Variants in NOVA1 observed in about 807,000 individuals in gnomAD.
The protein encoded by NOVA1 is RNA-binding protein Nova-1.
In NOVA1, 7 loss-of-function variants were observed where a neutral mutation model predicts 38.0. That is an observed-to-expected ratio of 0.18 (90% CI 0.10 to 0.35). The LOEUF (loss-of-function observed/expected upper bound fraction) is 0.35. Ranked by LOEUF, NOVA1 falls within the 10% of genes least tolerant of loss-of-function variation. The probability of loss-of-function intolerance (pLI) is 1.00; values close to 1 mark genes in which losing one functional copy is unlikely to be tolerated. For synonymous variants in NOVA1, 270 were observed against 232.5 expected (o/e 1.16, Z -1.47); for missense variants, 460 against 616.0 (o/e 0.75, Z 2.68).
intron 4 of NOVA1, among the ~76,000 whole-genome samples, chr14:26,457,669 T>C (rs890670381): frequency 3.3e-5 from 5 of 152,120 alleles, no homozygotes; most frequent in African/African-American, 1.2e-4. Context: ...TACTACACTA[T>C]ACTTCTTATC....
intron 2 of NOVA1, among the ~76,000 whole-genome samples, chr14:26,557,528 A>ATT (rs375431107): frequency 0.031 from 4,325 of 141,038 alleles, 87 homozygotes; most frequent in Middle Eastern, 0.061. Context: ...TGACTGGCTA[A>ATT]TTTTTTTTTT....
intron 4 of NOVA1, among the ~76,000 whole-genome samples, chr14:26,458,364 A>G (rs1377677515): frequency 6.6e-6 from 1 of 152,134 alleles, no homozygotes; most frequent in Non-Finnish European, 1.5e-5. Flanking sequence ...CTTTACATAA[A>G]AGACACATGT....
intron 2 of NOVA1, among the ~76,000 whole-genome samples, chr14:26,590,739 C>T (rs192353627): frequency 3.7e-4 from 56 of 151,872 alleles, no homozygotes; most frequent in Middle Eastern, 3.4e-3. Flanking sequence ...CATGTTTAAA[C>T]TATTCCTGAA....
intron 2 of NOVA1, among the ~76,000 whole-genome samples, chr14:26,511,894 G>A (rs8020034): frequency 0.21 from 32,237 of 151,936 alleles, 3,789 homozygotes; most frequent in East Asian, 0.33. Context: ...AATACTGACC[G>A]AAATATCATT....
intron 2 of NOVA1, among the ~76,000 whole-genome samples, chr14:26,518,689 T>C (rs893715122): frequency 1.3e-5 from 2 of 152,094 alleles, no homozygotes; most frequent in Non-Finnish European, 2.9e-5. Context: ...TATTTTGAAA[T>C]ATACAATATT....
intron 2 of NOVA1, among the ~76,000 whole-genome samples, chr14:26,505,308 G>T (rs1162468025): frequency 2.6e-5 from 4 of 152,034 alleles, no homozygotes; most frequent in Non-Finnish European, 5.9e-5. Context: ...GGACCTCATG[G>T]GAGGTGCTTG....
chr14:26,506,759 T>A (rs1887666089), intron 2 of NOVA1, among the ~76,000 whole-genome samples: 1 of 152,184 alleles, frequency 6.6e-6, no homozygotes, highest in Non-Finnish European at 1.5e-5. Flanking sequence ...TTTGTATTTT[T>A]AGTAGAGACG....
chr14:26,503,935 C>A (rs376667955), intron 2 of NOVA1, among the ~76,000 whole-genome samples: 1 of 152,040 alleles, frequency 6.6e-6, no homozygotes, highest in East Asian at 1.9e-4. Flanking sequence ...AACAACATCT[C>A]TTAAATATTT....
chr14:26,526,826 G>A (rs1375548269), intron 2 of NOVA1, among the ~76,000 whole-genome samples: 1 of 152,078 alleles, frequency 6.6e-6, no homozygotes, highest in Non-Finnish European at 1.5e-5. Flanking sequence ...AAGGCAATGT[G>A]GTCTTGCAAA....
intron 2 of NOVA1, among the ~76,000 whole-genome samples, chr14:26,522,261 T>C (rs1040675150): frequency 5.3e-5 from 8 of 152,206 alleles, no homozygotes; most frequent in Middle Eastern, 3.4e-3. Flanking sequence ...CACAGATAAA[T>C]GGATTTTGAA....
intron 3 of NOVA1, among the ~76,000 whole-genome samples, chr14:26,478,476 A>C (rs1885169343): frequency 6.6e-6 from 1 of 152,010 alleles, no homozygotes; most frequent in Non-Finnish European, 1.5e-5. Flanking sequence ...GGATTAAGGC[A>C]GAAAGCCAAT....
At chr14:26,501,651 T>C (rs1887250104) in intron 2 of NOVA1, among the ~76,000 whole-genome samples, 1 of 151,962 alleles carries the variant, frequency 6.6e-6, no homozygotes, top group Non-Finnish European at 1.5e-5. Context: ...ACAGGCATTA[T>C]TGGTAAGGAA....
At position 26,473,112 on chromosome 14, in the gene NOVA1, T is replaced by A. The variant is rs1884717207; in HGVS notation, c.448-721A>T. 3.3e-5 allele frequency among the ~76,000 whole-genome samples: 5 copies of A among 151,804 alleles called. No homozygotes were observed. In the South Asian group the frequency reaches 1.0e-3, roughly 31 times the overall value. On this transcript the variant is annotated intron_variant, in intron 3 of 4. Coordinates refer to ENST00000539517, the MANE Select transcript of NOVA1 (RefSeq NM_002515.3). ...GTAAATTTAATATAGATGAAGAGTA[T>A]AATATAGCATCATCAGCTGTGTTAA...
chr14:26,522,847 T>C (rs1336521788), intron 2 of NOVA1, among the ~76,000 whole-genome samples: 2 of 152,184 alleles, frequency 1.3e-5, no homozygotes, highest in East Asian at 3.9e-4. Flanking sequence ...ACCACAGATT[T>C]CACAAGTTTC....
chr14:26,521,798 A>G (rs1051574187), intron 2 of NOVA1, among the ~76,000 whole-genome samples: 1 of 152,092 alleles, frequency 6.6e-6, no homozygotes, highest in African/African-American at 2.4e-5. Context: ...AAGAGGTTAA[A>G]TCAAGGGTAT....
rs1281001934 is a variant in NOVA1, at chr14:26,490,268, G to A, written c.281-10125C>T. On this transcript the variant is annotated intron_variant, in intron 2 of 4. Coordinates refer to ENST00000539517, the MANE Select transcript of NOVA1 (RefSeq NM_002515.3). Reference sequence around the variant, plus strand: ...TATCCATTTACCTGTTGGTGGACACGTGGGTTGTTTACACCTTTTGGCTAT... The same window carrying A: ...TATCCATTTACCTGTTGGTGGACACATGGGTTGTTTACACCTTTTGGCTAT... Among the ~76,000 whole-genome samples the A allele has an allele frequency of 3.3e-5, 5 of 152,132 alleles. No homozygotes were observed. In the South Asian group the frequency reaches 6.2e-4, roughly 19 times the overall value.
chr14:26,550,394 TAA>T (rs1231454838), intron 2 of NOVA1, among the ~76,000 whole-genome samples: 2 of 152,184 alleles, frequency 1.3e-5, no homozygotes, highest in Non-Finnish European at 2.9e-5. Context: ...TGATGTTTTA[TAA>T]AAAGACAACT....
At chr14:26,485,136 GT>G (rs1885781877) in intron 2 of NOVA1, among the ~76,000 whole-genome samples, 2 of 152,058 alleles carry the variant, frequency 1.3e-5, no homozygotes, top group East Asian at 3.9e-4. Flanking sequence ...ACTTTGTCAT[GT>G]TTACCACTGT....
At chr14:26,459,679 T>C (rs752708275) in intron 4 of NOVA1, among the ~76,000 whole-genome samples, 1 of 152,118 alleles carries the variant, frequency 6.6e-6, no homozygotes, top group East Asian at 1.9e-4. Flanking sequence ...AAACACTTTA[T>C]GTAAGAAAAT....
Sources: allele counts gnomAD v4.1 joint callset (sites outside exome capture counted in the v4.1 genomes callset), GRCh38; gene constraint gnomAD v4.1.1; transcripts MANE v1.5; gene names NCBI Gene and HGNC (gene_info 2026-07-23, HGNC 2026-07-21).